Variants in DCC observed in about 807,000 individuals in gnomAD.
DCC encodes the protein DCC netrin 1 receptor.
A neutral mutation model predicts 172.5 loss-of-function variants in DCC; 58 were observed. That is an observed-to-expected ratio of 0.34 (90% CI 0.27 to 0.42). The LOEUF is 0.42. Ranked by LOEUF, DCC falls within the 10% of genes least tolerant of loss-of-function variation. The pLI is 1.00. For synonymous variants in DCC, 709 were observed against 644.5 expected, an observed-to-expected ratio of 1.10 and a Z score of -1.52; for missense variants, 1,740 against 1,791.0, an observed-to-expected ratio of 0.97 and a Z score of 0.51.
chr18:52,916,656 A>G (rs1391859362), intron 3 of DCC, among the ~76,000 whole-genome samples: 2 of 152,182 alleles, frequency 1.3e-5, no homozygotes, highest in African/African-American at 2.4e-5. Context: ...GTTTATAAAT[A>G]TGGTGCTAGA....
chr18:52,974,459 C>T (rs2041081625), intron 5 of DCC, among the ~76,000 whole-genome samples: 1 of 152,176 alleles, frequency 6.6e-6, no homozygotes, highest in African/African-American at 2.4e-5. Flanking sequence ...CTGCCCCAAA[C>T]CACTCTGACT....
chr18:52,999,668 G>T (rs11082961), intron 5 of DCC, among the ~76,000 whole-genome samples: 92 of 152,090 alleles, frequency 6.0e-4, no homozygotes, highest in African/African-American at 2.0e-3. Flanking sequence ...TTTCAAAACC[G>T]TAAGAGAAAT....
intron 1 of DCC, among the ~76,000 whole-genome samples, chr18:52,451,841 C>T (rs1439535979): frequency 6.6e-6 from 1 of 152,048 alleles, no homozygotes; most frequent in Non-Finnish European, 1.5e-5. Context: ...GAGTCTGATC[C>T]CTTGTTGCAG....
At chr18:52,994,305 A>G (rs2041444576) in intron 5 of DCC, among the ~76,000 whole-genome samples, 1 of 151,718 alleles carries the variant, frequency 6.6e-6, no homozygotes, top group Admixed American at 6.6e-5. Flanking sequence ...ATTTCCACCA[A>G]TTTAGGAATG....
intron 15 of DCC, among the ~76,000 whole-genome samples, chr18:53,359,644 A>G (rs1163314718): frequency 1.3e-5 from 2 of 152,148 alleles, no homozygotes; most frequent in Non-Finnish European, 1.5e-5. Context: ...CCTCTTCACA[A>G]TGTCTGCTCT....
chr18:52,881,303 G>A (rs116024904), intron 2 of DCC, among the ~76,000 whole-genome samples: 1 of 151,828 alleles, frequency 6.6e-6, no homozygotes, highest in Non-Finnish European at 1.5e-5. Context: ...CAATCTGTGG[G>A]TTTCCTTTTC....
In DCC at chr18:53,351,456, T is replaced by C. The variant is rs1213191042; in HGVS notation, c.2359+11549T>C. On this transcript the variant is annotated intron_variant, in intron 15 of 28. Transcript: ENST00000442544. ...TATATATACAGTGTATATATATATA[T>C]ACACAGTGTGTATATATATATATAT... is the stretch of plus-strand genomic sequence containing the variant. Among the ~76,000 whole-genome samples the C allele has an allele frequency of 2.2e-4, 9 of 41,332 alleles. 1 individual carries two copies. The highest frequency in any genetic ancestry group is 8.6e-4 in the African/African-American group (8 of 9,322). 27.1% of individuals were successfully genotyped at this position (41,332 alleles called of 152,430 possible).
At chr18:52,459,716 G>A (rs907566125) in intron 1 of DCC, among the ~76,000 whole-genome samples, 1 of 151,850 alleles carries the variant, frequency 6.6e-6, no homozygotes, top group Non-Finnish European at 1.5e-5. Context: ...TGATATGCCC[G>A]CCTCAGCCTC....
At chr18:53,050,322 T>G (rs1228356126) in intron 5 of DCC, among the ~76,000 whole-genome samples, 2 of 151,988 alleles carry the variant, frequency 1.3e-5, no homozygotes, top group African/African-American at 4.8e-5. Flanking sequence ...CAATATTTTT[T>G]GCATCCTTCA....
At chr18:53,432,711 C>T (rs1254427639) in intron 21 of DCC, among the ~76,000 whole-genome samples, 3 of 150,812 alleles carry the variant, frequency 2.0e-5, no homozygotes, top group South Asian at 4.2e-4. Flanking sequence ...TTGTGATGCT[C>T]TCCTTAAAGC....
At chr18:53,055,842 A>G (rs1457063285) in intron 5 of DCC, among the ~76,000 whole-genome samples, 3 of 152,120 alleles carry the variant, frequency 2.0e-5, no homozygotes, top group Non-Finnish European at 4.4e-5. Context: ...TCCTTAAAAA[A>G]GAGGGGAAGG....
intron 3 of DCC, among the ~76,000 whole-genome samples, chr18:52,909,999 T>C (rs1018217181): frequency 1.3e-5 from 2 of 152,040 alleles, no homozygotes; most frequent in African/African-American, 4.8e-5. Context: ...AGGCGAACTG[T>C]ATATATTCTG....
chr18:52,415,656 C>T (rs920311684), intron 1 of DCC, among the ~76,000 whole-genome samples: 2 of 151,918 alleles, frequency 1.3e-5, no homozygotes, highest in Admixed American at 6.6e-5. Context: ...GGAGGCTGTA[C>T]GGTGCTGCCA....
At chr18:53,039,535 T>C (rs905365579) in intron 5 of DCC, among the ~76,000 whole-genome samples, 3 of 152,012 alleles carry the variant, frequency 2.0e-5, no homozygotes, top group African/African-American at 7.2e-5. Flanking sequence ...TATTGTTTTT[T>C]GGGAGTGAGC....
intron 5 of DCC, among the ~76,000 whole-genome samples, chr18:53,053,046 G>C (rs1410907078): frequency 6.6e-6 from 1 of 152,122 alleles, no homozygotes; most frequent in Non-Finnish European, 1.5e-5. Flanking sequence ...GGAAGGCTGA[G>C]GCAGGAGAAG....
intron 15 of DCC, among the ~76,000 whole-genome samples, chr18:53,370,541 A>G (rs1363160289): frequency 2.6e-5 from 4 of 151,602 alleles, no homozygotes; most frequent in Non-Finnish European, 4.4e-5. Context: ...CCCCAGCACT[A>G]CTTCTGCTGC....
chr18:52,587,965 A>C (rs985366386), intron 1 of DCC, among the ~76,000 whole-genome samples: 1 of 152,162 alleles, frequency 6.6e-6, no homozygotes, highest in Non-Finnish European at 1.5e-5. Context: ...GAACCCGATT[A>C]TGTATATACT....
chr18:52,787,571 T>TAAATA (rs143561628), intron 2 of DCC, among the ~76,000 whole-genome samples: 7,391 of 152,174 alleles, frequency 0.049, 242 homozygotes, highest in South Asian at 0.16. Context: ...AAATATAACT[T>TAAATA]AAATTGTACA....
chr18:53,254,253 C>T (rs2056476857), intron 12 of DCC, among the ~76,000 whole-genome samples: 1 of 151,990 alleles, frequency 6.6e-6, no homozygotes, highest in Non-Finnish European at 1.5e-5. Context: ...ATAACTTTTT[C>T]CTGGAAAGGT....
Sources: allele counts gnomAD v4.1 joint callset (sites outside exome capture counted in the v4.1 genomes callset), GRCh38; gene constraint gnomAD v4.1.1; transcripts MANE v1.5; gene names NCBI Gene and HGNC (gene_info 2026-07-23, HGNC 2026-07-21).